Variants in CRTC1 observed in about 807,000 individuals in gnomAD.
CRTC1 encodes CREB regulated transcription coactivator 1.
CRTC1 carries 18 observed loss-of-function variants against 66.1 expected under a neutral mutation model. That is an observed-to-expected ratio of 0.27 (90% CI 0.19 to 0.40). The LOEUF (loss-of-function observed/expected upper bound fraction) is 0.40, where lower values mean the gene tolerates loss of function less well. Among genes scored for constraint, CRTC1 ranks in the 10% least tolerant of loss-of-function variants. The pLI is 1.00. For synonymous variants in CRTC1, 416 were observed against 398.8 expected, an observed-to-expected ratio of 1.04 and a Z score of -0.51; for missense variants, 669 against 887.9, an observed-to-expected ratio of 0.75 and a Z score of 3.13.
chr19:18,732,307 T>TAAG (rs1480784765), intron 1 of CRTC1, among the ~76,000 whole-genome samples: 2 of 152,130 alleles, frequency 1.3e-5, no homozygotes, highest in South Asian at 2.1e-4. Context: ...GGAGGCCTTG[T>TAAG]AAGAAGAAGA....
Position 18,759,110 on chromosome 19 carries a change from C to T in CRTC1, c.625-441C>T, listed in dbSNP as rs928726690. On this transcript the variant is annotated intron_variant, in intron 6 of 13. Coordinates refer to ENST00000321949, the MANE Select transcript of CRTC1 (RefSeq NM_015321.3). ...GTCCCAGCCACTCGGGAGGCTGAGG[C>T]GGGAAGATCATGAGCTCAGGAGGTT... Among the ~76,000 whole-genome samples the T allele has an allele frequency of 4.6e-5, 7 of 152,154 alleles. No homozygotes were observed. In the South Asian group the frequency reaches 8.3e-4, roughly 18 times the overall value.
intron 4 of CRTC1, 80 bp from the exon 5 acceptor site, chr19:18,749,701 G>C: frequency 8.5e-7 from 1 of 1,170,650 alleles, no homozygotes; most frequent in Non-Finnish European, 1.3e-6. Context: ...TGTCCATCCA[G>C]CGTGTCCCAG....
In CRTC1 at chr19:18,775,670, C is replaced by T. The variant is rs2054970866; in HGVS notation, c.1542C>T (p.Ala514=). ...AGCAGTTCAACATGATGGAGAACGC[C>T]ATCAGCTCCAGCAGCCTGTACAGCC... is the stretch of plus-strand genomic sequence containing the variant. ...QLEQFNMMEN[A]ISSSSLYSPG... Residue 514 remains alanine (A), a synonymous_variant, in exon 13 of 14, where the codon GCC becomes GCT. Coordinates refer to ENST00000321949, the MANE Select transcript of CRTC1 (RefSeq NM_015321.3). The T allele has an allele frequency of 6.2e-7, 1 of 1,606,504 alleles. No individual in the cohort carries two copies. Among genetic ancestry groups the T allele is most frequent in the African/African-American group, 1.3e-5 (1 of 74,604 alleles).
chr19:18,761,483 A>G (rs1186568424), intron 8 of CRTC1, among the ~76,000 whole-genome samples: 1 of 151,988 alleles, frequency 6.6e-6, no homozygotes, highest in African/African-American at 2.4e-5. Context: ...GCCCCGGCCC[A>G]CTCCACCAGC....
chr19:18,700,630 G>A (rs2053112781), intron 1 of CRTC1, among the ~76,000 whole-genome samples: 1 of 152,230 alleles, frequency 6.6e-6, no homozygotes, highest in African/African-American at 2.4e-5. Flanking sequence ...TGGGTGCAGA[G>A]GGTGGGTGGG....
chr19:18,712,067 A>G (rs1172298617), intron 1 of CRTC1, among the ~76,000 whole-genome samples: 2 of 151,548 alleles, frequency 1.3e-5, no homozygotes, highest in East Asian at 3.9e-4. Flanking sequence ...CAGCCTCCCA[A>G]GTAGCTGGGA....
At chr19:18,772,807 GCT>G (rs2054899535) in intron 11 of CRTC1, among the ~76,000 whole-genome samples, 3 of 152,204 alleles carry the variant, frequency 2.0e-5, no homozygotes, top group Admixed American at 2.0e-4. Flanking sequence ...GCCCGCACTG[GCT>G]CTCTGAGCTC....
intron 1 of CRTC1, among the ~76,000 whole-genome samples, chr19:18,723,424 T>G (rs1256009908): frequency 6.6e-6 from 1 of 152,214 alleles, no homozygotes; most frequent in Non-Finnish European, 1.5e-5. Context: ...CTTAGCATCC[T>G]TGCTTCTGAA....
chr19:18,736,910 C>T (rs1488868867), intron 1 of CRTC1, among the ~76,000 whole-genome samples: 1 of 152,170 alleles, frequency 6.6e-6, no homozygotes, highest in Non-Finnish European at 1.5e-5. Context: ...GTCTGCAGAG[C>T]GAGCCCCAGG....
At chr19:18,774,703 C>T in intron 11 of CRTC1, among the ~76,000 whole-genome samples, 197 bp from the exon 12 acceptor site, 1 of 152,174 alleles carries the variant, frequency 6.6e-6, no homozygotes. Flanking sequence ...TTGCAGAGGC[C>T]TCCCAGGAGC....
chr19:18,718,792 G>A lies in CRTC1; in HGVS notation c.127-24118G>A, dbSNP rs180926168. ...ACTCATGTATGATTGTCTTCATTTCGTGGGGGCATCCGTCCAGGAGTGGGA... is the reference window on the plus strand; with the variant it reads ...ACTCATGTATGATTGTCTTCATTTCATGGGGGCATCCGTCCAGGAGTGGGA... On this transcript the variant is annotated intron_variant, in intron 1 of 13. Transcript: ENST00000321949. 3.5e-4 allele frequency among the ~76,000 whole-genome samples: 53 copies of A among 152,174 alleles called. No homozygotes were observed. In the East Asian group the frequency reaches 5.8e-3, roughly 17 times the overall value.
chr19:18,714,925 G>A (rs1284748265), intron 1 of CRTC1, among the ~76,000 whole-genome samples: 2 of 152,234 alleles, frequency 1.3e-5, no homozygotes, highest in Non-Finnish European at 1.5e-5. Context: ...CCTGGGCTTC[G>A]GGAAGGATTT....
At chr19:18,765,668 T>A in intron 9 of CRTC1, 140 bp downstream of exon 9, 1 of 848,436 alleles carries the variant, frequency 1.2e-6, no homozygotes, top group Non-Finnish European at 1.7e-6. Flanking sequence ...GTTTTTATTA[T>A]CAAATTTTCA....
intron 5 of CRTC1, among the ~76,000 whole-genome samples, chr19:18,750,911 G>A (rs1008449454): frequency 2.0e-5 from 3 of 152,200 alleles, no homozygotes; most frequent in African/African-American, 7.2e-5. Context: ...TGAGGCTGCT[G>A]CCTGTCCTAC....
chr19:18,753,422 C>T, intron 5 of CRTC1, 78 bp from the exon 6 acceptor site: 4 of 1,025,844 alleles, frequency 3.9e-6, no homozygotes, highest in East Asian at 2.4e-5. Flanking sequence ...GTGTCAGGGA[C>T]GTGTCCTCCT....
intron 2 of CRTC1, chr19:18,744,234 G>C (rs2054178737): frequency 8.4e-6 from 12 of 1,437,082 alleles, no homozygotes; most frequent in Non-Finnish European, 1.1e-5. Flanking sequence ...GGGCGCTGGG[G>C]ATCCCTGAGC....
intron 1 of CRTC1, among the ~76,000 whole-genome samples, chr19:18,735,305 G>T (rs923825400): frequency 6.6e-6 from 1 of 152,194 alleles, no homozygotes; most frequent in Non-Finnish European, 1.5e-5. Flanking sequence ...GCCCCTCCTG[G>T]CATTGGGGAT....
At chr19:18,690,572 G>C (rs1437292669) in intron 1 of CRTC1, among the ~76,000 whole-genome samples, 1 of 152,164 alleles carries the variant, frequency 6.6e-6, no homozygotes, top group African/African-American at 2.4e-5. Flanking sequence ...CAGGCTGAGT[G>C]GTGGCCCCTA....
At chr19:18,766,664 C>G (rs1369450246) in intron 9 of CRTC1, among the ~76,000 whole-genome samples, 1 of 152,144 alleles carries the variant, frequency 6.6e-6, no homozygotes, top group Admixed American at 6.5e-5. Flanking sequence ...CCAGGCTGGT[C>G]TCGAACTCCT....
Sources: gnomAD v4.1 joint callset for allele counts (sites outside exome capture counted in the v4.1 genomes callset) on GRCh38, gnomAD v4.1.1 for gene constraint, MANE v1.5 for transcripts, NCBI Gene and HGNC (gene_info 2026-07-23, HGNC 2026-07-21) for gene names.